COL6A5: variants seen among roughly 807,000 people sequenced by gnomAD.
COL6A5 encodes collagen alpha-5(VI) chain.
A neutral mutation model predicts 65.6 loss-of-function variants in COL6A5; 48 were observed. The observed-to-expected ratio is 0.73, with a 90% confidence interval of 0.58 to 0.93. The LOEUF is 0.93. COL6A5 is among the 40% of genes least tolerant of loss of function. The pLI, the probability that COL6A5 is intolerant of heterozygous loss-of-function variation, is 0.00. For missense variants in COL6A5, 914 were observed against 928.3 expected (o/e 0.98, Z 0.20); for synonymous variants, 291 against 322.8 (o/e 0.90, Z 1.05).
chr3:130,419,025 G>T lies in COL6A5; in HGVS notation c.4950+94G>T. ...TGACACCTTCAGCCCAATTATGGGG[G>T]GCATGAAAGGTATTTCAGCATCTAG... is the stretch of plus-strand genomic sequence containing the variant. On this transcript the variant is annotated intron_variant and NMD_transcript_variant, in intron 25 of 41. Coordinates refer to the COL6A5 transcript ENST00000312481. 7 of 885,758 alleles carry T rather than the reference G, an allele frequency of 7.9e-6. No homozygotes were observed. The Admixed American group carries it at 1.2e-4, about 16-fold the overall frequency. The allele number at this position is 885,758 out of a possible 1,614,324, so 54.9% of individuals were successfully genotyped here.
intron 13 of COL6A5, 52 bp downstream of exon 13, chr3:130,403,714 C>CAT: frequency 1.1e-6 from 1 of 918,866 alleles, no homozygotes. Context: ...ACTGTACACA[C>CAT]ACACACACAC....
chr3:130,459,009 A>C (rs1323771500), intron 5 of COL6A5, among the ~76,000 whole-genome samples: 1 of 152,160 alleles, frequency 6.6e-6, no homozygotes, highest in Non-Finnish European at 1.5e-5. Flanking sequence ...ATGCTTGCAG[A>C]TGTTTTCTTG....
At chr3:130,459,463 A>T (rs889901495) in intron 5 of COL6A5, among the ~76,000 whole-genome samples, 6 of 152,080 alleles carry the variant, frequency 3.9e-5, no homozygotes, top group Admixed American at 2.6e-4. Context: ...GAGGGGATAT[A>T]TTGCAACGTC....
chr3:130,417,010 GC>G (rs202220924), intron 24 of COL6A5, among the ~76,000 whole-genome samples, 191 bp downstream of exon 24: 4,877 of 151,788 alleles, frequency 0.032, 99 homozygotes, highest in South Asian at 0.083. Flanking sequence ...GTGGTTTGCT[GC>G]CCCCATCAAC....
chr3:130,353,974 C>A (rs1934819735), intron 1 of COL6A5, among the ~76,000 whole-genome samples: 1 of 151,536 alleles, frequency 6.6e-6, no homozygotes, highest in South Asian at 2.1e-4. Context: ...AAAAGAACAT[C>A]TGAATTCACA....
intron 4 of COL6A5, among the ~76,000 whole-genome samples, chr3:130,445,523 G>A (rs914564323): frequency 2.3e-4 from 35 of 152,250 alleles, no homozygotes; most frequent in African/African-American, 6.7e-4. Context: ...CTGGATCTAC[G>A]TTGATACTGA....
intron 7 of COL6A5, among the ~76,000 whole-genome samples, chr3:130,480,875 G>T (rs149719413): frequency 4.3e-4 from 66 of 152,194 alleles, no homozygotes; most frequent in African/African-American, 1.5e-3. Context: ...AGGAGAACCA[G>T]TAAGGAAGGA....
chr3:130,447,518 C>A (rs939472916), intron 4 of COL6A5, among the ~76,000 whole-genome samples: 1 of 152,038 alleles, frequency 6.6e-6, no homozygotes, highest in South Asian at 2.1e-4. Context: ...ACCAAACAGT[C>A]GACTTTATGG....
chr3:130,429,464 G>A, upstream of COL6A5: 1 of 876,350 alleles, frequency 1.1e-6, no homozygotes, highest in Non-Finnish European at 1.7e-6. Flanking sequence ...AGCCTCATTT[G>A]CAGTTAGACT....
intron 3 of COL6A5, 76 bp from the exon 36 acceptor site, chr3:130,443,400 C>A: frequency 8.9e-7 from 1 of 1,128,930 alleles, no homozygotes; most frequent in Non-Finnish European, 1.3e-6. Context: ...CAAGAGGATT[C>A]CTGTTGGGAT....
At chr3:130,398,998 T>C (rs1651885275) in intron 10 of COL6A5, among the ~76,000 whole-genome samples, 1 of 152,200 alleles carries the variant, frequency 6.6e-6, no homozygotes, top group African/African-American at 2.4e-5. Context: ...GATAGCAACG[T>C]GGATTTGGAA....
At chr3:130,388,652 G>A (rs1344359213) in exon 6 of COL6A5, 1 of 1,550,992 alleles carries the variant, frequency 6.4e-7, no homozygotes, top group Non-Finnish European at 8.7e-7. Context: ...GAAAATTTTA[G>A]GAAAATGAAA....
rs566624210 is a variant in COL6A5, at chr3:130,480,746, AAATTTTTAAAGACAACTAGGCTGG to A, written c.2329-3286_2329-3263del. On this transcript the variant is annotated intron_variant, in intron 7 of 7. Coordinates refer to ENST00000512836, the Ensembl canonical transcript of COL6A5. ...TCCTTTGAGGTGTGGCTGTAAGCAA[AAATTTTTAAAGACAACTAGGCTGG>A]AACCTCTCTAAGATTCTGTTTTAGA... Among the ~76,000 whole-genome samples the A allele has an allele frequency of 2.9e-3, 444 of 152,262 alleles. 1 individual carries two copies. The highest frequency in any genetic ancestry group is 9.3e-3 in the African/African-American group (385 of 41,550).
intron 5 of COL6A5, among the ~76,000 whole-genome samples, chr3:130,464,483 A>T (rs1709770250): frequency 6.6e-6 from 1 of 151,986 alleles, no homozygotes; most frequent in Non-Finnish European, 1.5e-5. Flanking sequence ...TTTTAAAGAA[A>T]TTGAAATACT....
exon 3 of COL6A5, chr3:130,376,561 G>A: frequency 1.2e-6 from 2 of 1,605,454 alleles, no homozygotes; most frequent in Non-Finnish European, 1.7e-6. Context: ...GGGAGAGACA[G>A]GAAACAGTTT....
chr3:130,440,949 AG>A (rs1709168115), intron 3 of COL6A5, 124 bp downstream of exon 35: 2 of 779,224 alleles, frequency 2.6e-6, no homozygotes, highest in South Asian at 3.8e-5. Flanking sequence ...ATGGTGAGAT[AG>A]GGGCAGGAAT....
At chr3:130,352,725 A>G (rs1054468080) in intron 1 of COL6A5, among the ~76,000 whole-genome samples, 5 of 152,210 alleles carry the variant, frequency 3.3e-5, no homozygotes, top group Non-Finnish European at 7.3e-5. Flanking sequence ...AAGAAATGAG[A>G]TAATAAAGAT....
chr3:130,425,438 A>G (rs1469166236), intron 29 of COL6A5, among the ~76,000 whole-genome samples: 1 of 152,166 alleles, frequency 6.6e-6, no homozygotes, highest in Non-Finnish European at 1.5e-5. Context: ...AAGTGAGCAT[A>G]CAGGCATTCA....
intron 1 of COL6A5, among the ~76,000 whole-genome samples, chr3:130,368,964 C>T (rs1935451359): frequency 1.3e-5 from 2 of 152,176 alleles, no homozygotes; most frequent in African/African-American, 2.4e-5. Flanking sequence ...CTCAGATCCT[C>T]AGGTGGGAGT....
Sources: gnomAD v4.1 joint callset for allele counts (sites outside exome capture counted in the v4.1 genomes callset) on GRCh38, gnomAD v4.1.1 for gene constraint, MANE v1.5 for transcripts, NCBI Gene and HGNC (gene_info 2026-07-23, HGNC 2026-07-21) for gene names.